ABCC12: variants seen among roughly 807,000 people sequenced by gnomAD.
The protein encoded by ABCC12 is ATP-binding cassette sub-family C member 12.
Under a neutral mutation model 151.1 loss-of-function variants are expected in ABCC12, and 142 were observed. The ratio of observed to expected loss-of-function variants is 0.94; its 90% confidence interval spans 0.82 to 1.08. The LOEUF (loss-of-function observed/expected upper bound fraction) is 1.08. Ranked by LOEUF, ABCC12 falls within the 50% of genes least tolerant of loss-of-function variation. The pLI is 0.00. For missense variants in ABCC12, 1,638 were observed against 1,691.1 expected (o/e 0.97, Z 0.55); for synonymous variants, 645 against 646.4 (o/e 1.00, Z 0.03).
chr16:48,117,149 C>T lies in ABCC12; in HGVS notation c.1785+112G>A, dbSNP rs113969476. ...GGGTGGAACCTGAGCTTTGCCCACACGTCCTTGGGGCATCTGGATGTGGAA... is the reference window on the plus strand; with the variant it reads ...GGGTGGAACCTGAGCTTTGCCCACATGTCCTTGGGGCATCTGGATGTGGAA... On this transcript the variant is annotated intron_variant, in intron 14 of 30. Coordinates refer to ENST00000311303, the MANE Select transcript of ABCC12 (RefSeq NM_001393797.1). The T allele has an allele frequency of 2.5e-3, 2,495 of 987,714 alleles. 41 individuals carry two copies. In the African/African-American group the frequency reaches 0.035, roughly 14 times the overall value. 61.2% of individuals were successfully genotyped at this position (987,714 alleles called of 1,614,324 possible). A position where few individuals can be genotyped will look rare whatever the true frequency, so the allele number is the denominator to read the frequency against.
At chr16:48,094,073 T>C (rs980903260) in intron 24 of ABCC12, among the ~76,000 whole-genome samples, 1 of 152,202 alleles carries the variant, frequency 6.6e-6, no homozygotes, top group Non-Finnish European at 1.5e-5. Context: ...AACAATCTCA[T>C]GGAAAGCTGA....
In ABCC12 at chr16:48,155,410, C is replaced by T. The variant is rs142836076; in HGVS notation, c.-320+431G>A. 1.9e-4 allele frequency among the ~76,000 whole-genome samples: 29 copies of T among 151,102 alleles called. No homozygotes were observed. In the East Asian group the frequency reaches 5.2e-3, roughly 27 times the overall value. On this transcript the variant is annotated intron_variant, in intron 1 of 30. Coordinates refer to ENST00000311303, the MANE Select transcript of ABCC12 (RefSeq NM_001393797.1). ...AAAAAAAAGAAAGAAAGATGAAAAC[C>T]TCATATGAGAACTGCAGTAAAGCTT...
Position 48,107,422 on chromosome 16 carries a change from T to C in ABCC12, c.2375A>G (p.Tyr792Cys), listed in dbSNP as rs774147064. Residue 792 changes from tyrosine (Y) to cysteine (C), a missense_variant, in exon 20 of 31, where the codon TAC becomes TGC. Transcript: ENST00000311303. The part of the protein sequence containing the change: ...YHTYIKASGG[Y>C]LLSLFTVFLF... Reference sequence around the variant, plus strand: ...GAACACAGTGAAGAGAGAAAGGAGGTACCCTGCAAGAGGAGCGGAGAGGCC... The same window carrying C: ...GAACACAGTGAAGAGAGAAAGGAGGCACCCTGCAAGAGGAGCGGAGAGGCC... 137 of 1,439,888 alleles carry C rather than the reference T, an allele frequency of 9.5e-5. No individual in the cohort carries two copies. Among genetic ancestry groups the C allele is most frequent in the Non-Finnish European group, 1.0e-4 (107 of 1,027,844 alleles). The allele number at this position is 1,439,888 out of a possible 1,614,324, so 89.2% of individuals were successfully genotyped here.
At position 48,114,764 on chromosome 16, in the gene ABCC12, C is replaced by T. The variant is rs1312177183; in HGVS notation, c.1989+651G>A. Among the ~76,000 whole-genome samples the T allele has an allele frequency of 2.6e-5, 4 of 152,298 alleles. 1 individual carries two copies. The highest frequency in any genetic ancestry group is 4.1e-4 in the South Asian group (2 of 4,828). ...TTGGATTCCCATCAGGCAATCAGGA[C>T]GCCTTATGTGAGACCAATGCAGTGA... is the stretch of plus-strand genomic sequence containing the variant. On this transcript the variant is annotated intron_variant, in intron 15 of 30. Transcript: ENST00000311303.
At chr16:48,138,624 G>A (rs1369206317) in intron 7 of ABCC12, among the ~76,000 whole-genome samples, 1 of 152,112 alleles carries the variant, frequency 6.6e-6, no homozygotes, top group African/African-American at 2.4e-5. Context: ...TTGACAAATT[G>A]AAGAGGCATT....
intron 12 of ABCC12, among the ~76,000 whole-genome samples, chr16:48,123,746 T>A (rs961160463): frequency 1.3e-5 from 2 of 152,178 alleles, no homozygotes; most frequent in Non-Finnish European, 2.9e-5. Flanking sequence ...ATGACCCAAG[T>A]CCCCTCCCTC....
chr16:48,101,317 G>T (rs2150600764), intron 22 of ABCC12, among the ~76,000 whole-genome samples: 1 of 152,246 alleles, frequency 6.6e-6, no homozygotes, highest in East Asian at 1.9e-4. Context: ...TTCTCATACA[G>T]CACAGCCCCT....
chr16:48,090,401 C>CTTTTTT (rs1011013161), intron 25 of ABCC12, among the ~76,000 whole-genome samples: 2 of 118,934 alleles, frequency 1.7e-5, no homozygotes, highest in East Asian at 2.5e-4. Context: ...CAAATTTGAA[C>CTTTTTT]TTTTTTTTTT....
intron 23 of ABCC12, among the ~76,000 whole-genome samples, chr16:48,098,936 C>T (rs7197227): frequency 0.032 from 4,906 of 152,186 alleles, 266 homozygotes; most frequent in African/African-American, 0.11. Context: ...ATGGGCTTTC[C>T]TCATGGCCAG....
chr16:48,117,393 G>A, intron 13 of ABCC12, 60 bp from the exon 14 acceptor site: 2 of 1,576,630 alleles, frequency 1.3e-6, no homozygotes, highest in South Asian at 2.3e-5. Flanking sequence ...TGCTGCCCTG[G>A]GCTGCTTCCA....
chr16:48,139,006 A>C (rs1964706853), intron 7 of ABCC12, among the ~76,000 whole-genome samples, 157 bp downstream of exon 7: 2 of 152,070 alleles, frequency 1.3e-5, no homozygotes, highest in African/African-American at 4.8e-5. Flanking sequence ...CAAACAAACA[A>C]ACAAAAAACC....
intron 25 of ABCC12, among the ~76,000 whole-genome samples, chr16:48,090,327 A>G (rs1962826265): frequency 6.6e-6 from 1 of 151,858 alleles, no homozygotes; most frequent in Admixed American, 6.6e-5. Flanking sequence ...TCCTGGGCTC[A>G]AGTGACCCTA....
At chr16:48,140,083 T>C (rs556641665) in intron 6 of ABCC12, among the ~76,000 whole-genome samples, 2 of 152,330 alleles carry the variant, frequency 1.3e-5, no homozygotes, top group East Asian at 3.9e-4. Context: ...AATCTAATCA[T>C]AATTAAATGC....
At chr16:48,151,168 T>C (rs1965111670) in intron 2 of ABCC12, among the ~76,000 whole-genome samples, 1 of 152,218 alleles carries the variant, frequency 6.6e-6, no homozygotes, top group Non-Finnish European at 1.5e-5. Context: ...TCAGCAGTGA[T>C]AAGTCCTGTT....
intron 2 of ABCC12, among the ~76,000 whole-genome samples, chr16:48,147,621 G>C (rs971350735): frequency 6.6e-6 from 1 of 152,136 alleles, no homozygotes; most frequent in Non-Finnish European, 1.5e-5. Context: ...CCCAGAGAGA[G>C]GAAGGACTTA....
chr16:48,110,247 T>C (rs1963638990), intron 18 of ABCC12, among the ~76,000 whole-genome samples: 1 of 152,190 alleles, frequency 6.6e-6, no homozygotes, highest in Non-Finnish European at 1.5e-5. Flanking sequence ...TCCCCCACAT[T>C]GTAACATCTC....
rs558564750 is a variant in ABCC12 at position 48,153,893 on chromosome 16, A to G, written c.-319-9T>C. 2 of 152,182 alleles carry G rather than the reference A, an allele frequency of 1.3e-5. No individual in the cohort carries two copies. The highest frequency in any genetic ancestry group is 4.8e-5 in the African/African-American group (2 of 41,500). The allele number at this position is 152,182 out of a possible 1,614,324, so 9.4% of individuals were successfully genotyped here. ...TGCTAAATTTGGCAGCCCTGGGGGG[A>G]AAAATGAGACTTTTTTTAAAATCAG... is the stretch of plus-strand genomic sequence containing the variant. On this transcript the variant is annotated splice_polypyrimidine_tract_variant and intron_variant, in intron 1 of 30. Coordinates refer to ENST00000311303, the MANE Select transcript of ABCC12 (RefSeq NM_001393797.1).
chr16:48,092,916 C>T (rs931586309), intron 24 of ABCC12, among the ~76,000 whole-genome samples: 24 of 152,244 alleles, frequency 1.6e-4, no homozygotes, highest in Non-Finnish European at 2.9e-4. Context: ...GCAGGGGGTG[C>T]GAGCAGGCGC....
Position 48,104,170 on chromosome 16 carries a change from G to A in ABCC12, c.2872C>T (p.Leu958Phe), listed in dbSNP as rs1191612851. ...FPAVLLVVASLAVGFFILLRI... is the reference protein window; with the variant it reads ...FPAVLLVVASFAVGFFILLRI... ...AACAGAATGAAGAAGCCTACAGCAAGGCTGGCCACGACTAAAAGGACAGCA... is the reference window on the plus strand; with the variant it reads ...AACAGAATGAAGAAGCCTACAGCAAAGCTGGCCACGACTAAAAGGACAGCA... Residue 958 changes from leucine to phenylalanine, a missense_variant, in exon 22 of 31, where the codon CTT (leucine) becomes TTT (phenylalanine). By Grantham distance (22) the Leu-to-Phe change is conservative. Transcript: ENST00000311303. 1 of 1,614,222 alleles carries A rather than the reference G, an allele frequency of 6.2e-7. No homozygotes were observed.
Sources: gnomAD v4.1 joint callset for allele counts (sites outside exome capture counted in the v4.1 genomes callset) on GRCh38, gnomAD v4.1.1 for gene constraint, MANE v1.5 for transcripts, NCBI Gene and HGNC (gene_info 2026-07-23, HGNC 2026-07-21) for gene names.